EYS: variants seen among roughly 807,000 people sequenced by gnomAD.
The protein encoded by EYS is protein eyes shut homolog.
Under a neutral mutation model 282.1 loss-of-function variants are expected in EYS, and 250 were observed. The observed-to-expected ratio is 0.89, with a 90% CI of 0.80 to 0.98. The LOEUF is 0.98. Among genes scored for constraint, EYS ranks in the 50% least tolerant of loss-of-function variants. The pLI, the probability that EYS is intolerant of heterozygous loss-of-function variation, is 0.00. For synonymous variants in EYS, 1,355 were observed against 1,282.9 expected (o/e 1.06, Z -1.20); for missense variants, 4,016 against 3,709.0 (o/e 1.08, Z -2.15).
In EYS at chr6:63,720,746, C is replaced by T. The variant is rs957507133; in HGVS notation, c.9285G>A (p.Lys3095=). 7.6e-5 allele frequency: 118 copies of T among 1,549,824 alleles called. No individual in the cohort carries two copies. The highest frequency in any genetic ancestry group is 9.7e-5 in the Non-Finnish European group (111 of 1,146,194). The change falls in exon 43 of 43, where the codon AAG becomes AAA. Residue 3095 remains lysine (K), a synonymous_variant. Coordinates refer to ENST00000503581, the MANE Select transcript of EYS (RefSeq NM_001142800.2). ...CYLGGFEYGR[K]VNIVTQEIFK... Reference sequence around the variant, plus strand: ...AAATCTCTTGAGTAACGATATTTACCTTTCTACCATATTCAAAGCCCCCTA... The same window carrying T: ...AAATCTCTTGAGTAACGATATTTACTTTTCTACCATATTCAAAGCCCCCTA...
chr6:64,869,706 A>G (rs1766532022), intron 19 of EYS, among the ~76,000 whole-genome samples: 1 of 151,624 alleles, frequency 6.6e-6, no homozygotes. Flanking sequence ...GATTAAAGAG[A>G]TAATGTTTTG....
At chr6:65,223,898 T>G (rs1766544405) in intron 12 of EYS, among the ~76,000 whole-genome samples, 1 of 152,142 alleles carries the variant, frequency 6.6e-6, no homozygotes, top group African/African-American at 2.4e-5. Flanking sequence ...GAGTACCAGC[T>G]CACAATGGAT....
At chr6:64,657,668 T>G (rs1418420607) in intron 22 of EYS, among the ~76,000 whole-genome samples, 1 of 152,190 alleles carries the variant, frequency 6.6e-6, no homozygotes, top group South Asian at 2.1e-4. Flanking sequence ...TCTTTAAGAA[T>G]GTTGAATATT....
intron 12 of EYS, among the ~76,000 whole-genome samples, chr6:65,230,782 T>C (rs960267819): frequency 1.3e-5 from 2 of 151,758 alleles, no homozygotes; most frequent in Middle Eastern, 3.4e-3. Context: ...TTTATATGAG[T>C]AGAAATTTTA....
intron 11 of EYS, among the ~76,000 whole-genome samples, chr6:65,324,196 C>T (rs1425874757): frequency 3.3e-5 from 5 of 150,876 alleles, no homozygotes; most frequent in African/African-American, 7.3e-5. Flanking sequence ...TTGTTTTTCC[C>T]GTGGTATTTG....
Position 65,335,117 on chromosome 6 carries a change from A to C in EYS, c.1629T>G (p.Ser543Arg). The change falls in exon 11 of 43, where the codon AGT (serine) becomes AGG (arginine). Residue 543 changes from serine to arginine, a missense_variant. By Grantham distance (110) the Ser-to-Arg change is moderately radical (BLOSUM62 -1). Coordinates refer to ENST00000503581, the MANE Select transcript of EYS (RefSeq NM_001142800.2). Reference sequence around the variant, plus strand: ...ACCGATATTCCTGACTGTCTTCTTCACTCAAACAACTGCATCCATTTGCAC... The same window carrying C: ...ACCGATATTCCTGACTGTCTTCTTCCCTCAAACAACTGCATCCATTTGCAC... ...EICANGCSCL[S>R]EEDSQEYRYL... The C allele has an allele frequency of 6.2e-7, 1 of 1,611,560 alleles. No homozygotes were observed. Among genetic ancestry groups the C allele is most frequent in the Non-Finnish European group, 8.5e-7 (1 of 1,178,612 alleles).
At chr6:64,556,719 T>C (rs1289140725) in intron 26 of EYS, among the ~76,000 whole-genome samples, 3 of 151,870 alleles carry the variant, frequency 2.0e-5, no homozygotes. Context: ...GGAACAAGAA[T>C]AGGCAGCTGT....
chr6:64,610,304 T>A (rs1178374368), intron 24 of EYS, among the ~76,000 whole-genome samples: 1 of 152,076 alleles, frequency 6.6e-6, no homozygotes, highest in African/African-American at 2.4e-5. Context: ...TGCATAAAGA[T>A]GAAAGGTGGG....
chr6:64,448,368 A>T (rs1459591844), intron 26 of EYS, among the ~76,000 whole-genome samples: 1 of 152,166 alleles, frequency 6.6e-6, no homozygotes, highest in East Asian at 1.9e-4. Context: ...GAAGCTGGAA[A>T]TGGGTGGAGC....
chr6:64,882,301 C>T lies in EYS; in HGVS notation c.2992+4396G>A, dbSNP rs182728747. Among the ~76,000 whole-genome samples, 271 of 151,866 alleles carry T rather than the reference C, an allele frequency of 1.8e-3. 1 individual carries two copies. The highest frequency in any genetic ancestry group is 3.2e-3 in the Admixed American group (49 of 15,204). ...TTGAAAAAGTCACACATCGACTTGG[C>T]ACATTGACATTTTCTTCTGTTAGAT... On this transcript the variant is annotated intron_variant, in intron 19 of 42. Coordinates refer to ENST00000503581, the MANE Select transcript of EYS (RefSeq NM_001142800.2).
chr6:65,357,452 T>C (rs1764531174), intron 8 of EYS, among the ~76,000 whole-genome samples: 1 of 152,010 alleles, frequency 6.6e-6, no homozygotes, highest in Non-Finnish European at 1.5e-5. Context: ...TAAATGTTTG[T>C]CTTTAAATTG....
chr6:64,669,490 T>C (rs1408701448), intron 22 of EYS, among the ~76,000 whole-genome samples: 3 of 152,106 alleles, frequency 2.0e-5, no homozygotes, highest in Non-Finnish European at 4.4e-5. Context: ...GACCAGTTCT[T>C]TGAATGAGAG....
chr6:65,154,747 A>T (rs1764693567), intron 12 of EYS, among the ~76,000 whole-genome samples: 1 of 151,452 alleles, frequency 6.6e-6, no homozygotes, highest in African/African-American at 2.4e-5. Context: ...TATTTTTTCC[A>T]ACTGAAATAT....
At position 63,957,737 on chromosome 6, in the gene EYS, A is replaced by G. The variant is rs1482364724; in HGVS notation, c.7055+26646T>C. On this transcript the variant is annotated intron_variant, in intron 35 of 42. Transcript: ENST00000503581. Reference sequence around the variant, plus strand: ...TACAATATTCTTAAGTACTTTCTCCACTCTAGAGTACTGCTCTCTCTGATG... The same window carrying G: ...TACAATATTCTTAAGTACTTTCTCCGCTCTAGAGTACTGCTCTCTCTGATG... Among the ~76,000 whole-genome samples the G allele has an allele frequency of 2.8e-5, 4 of 140,394 alleles. 1 individual carries two copies. Among genetic ancestry groups the G allele is most frequent in the Admixed American group, 7.7e-5 (1 of 12,958 alleles). The allele number at this position is 140,394 out of a possible 152,430, so 92.1% of individuals were successfully genotyped here.
chr6:65,433,887 A>T (rs2150386343), intron 5 of EYS, among the ~76,000 whole-genome samples: 2 of 152,294 alleles, frequency 1.3e-5, no homozygotes, highest in South Asian at 4.1e-4. Context: ...TTTGGGTTTA[A>T]TTTGAGAATG....
At chr6:64,688,886 A>T (rs560724557) in intron 22 of EYS, among the ~76,000 whole-genome samples, 1 of 152,018 alleles carries the variant, frequency 6.6e-6, no homozygotes, top group Non-Finnish European at 1.5e-5. Context: ...CAAAAACTGG[A>T]AGCATTCCCT....
chr6:64,068,774 T>G (rs929638208), intron 32 of EYS, among the ~76,000 whole-genome samples: 1 of 152,172 alleles, frequency 6.6e-6, no homozygotes, highest in African/African-American at 2.4e-5. Context: ...TTTTTCTGTG[T>G]AAGTACTGTG....
chr6:64,817,388 T>C (rs1237046301), intron 21 of EYS, among the ~76,000 whole-genome samples: 3 of 152,220 alleles, frequency 2.0e-5, no homozygotes, highest in African/African-American at 4.8e-5. Flanking sequence ...TAGAAAAATA[T>C]ACATGATATA....
At chr6:64,353,042 A>C (rs1159139245) in intron 29 of EYS, among the ~76,000 whole-genome samples, 2 of 151,466 alleles carry the variant, frequency 1.3e-5, no homozygotes, top group Admixed American at 1.3e-4. Flanking sequence ...TCCCTGCCCT[A>C]AAGTGGTTAC....
Sources: gnomAD v4.1 joint callset for allele counts (sites outside exome capture counted in the v4.1 genomes callset) on GRCh38, gnomAD v4.1.1 for gene constraint, MANE v1.5 for transcripts, NCBI Gene and HGNC (gene_info 2026-07-23, HGNC 2026-07-21) for gene names.